NRP2: variants seen among roughly 807,000 people sequenced by gnomAD.
NRP2 encodes the protein neuropilin 2.
Under a neutral mutation model 110.4 loss-of-function variants are expected in NRP2, and 52 were observed. That is an observed-to-expected ratio of 0.47 (90% CI 0.38 to 0.59). The LOEUF is 0.59. Ranked by LOEUF, NRP2 falls within the 20% of genes least tolerant of loss-of-function variation. The pLI is 0.00. For synonymous variants in NRP2, 508 were observed against 468.9 expected (o/e 1.08, Z -1.08); for missense variants, 1,049 against 1,203.0 (o/e 0.87, Z 1.89).
At position 205,682,661 on chromosome 2, in the gene NRP2, C is replaced by G. The variant is rs935807832; in HGVS notation, c.-630C>G. On this transcript the variant is annotated 5_prime_UTR_variant, in exon 1 of 17. Transcript: ENST00000357785. This position sits in a 1 kb window ranked among gnomAD's most constrained non-coding sequence, Gnocchi z 4.3. ...GCCGCCACCGCCGCCGCACCAGCAG[C>G]AGCAACAGCAGCAGCAGCTTCCTTC... 1 of 166,930 alleles carries G rather than the reference C, an allele frequency of 6.0e-6. No individual in the cohort carries two copies. The highest frequency in any genetic ancestry group is 6.4e-5 in the Admixed American group (1 of 15,742). 10.3% of individuals were successfully genotyped at this position (166,930 alleles called of 1,614,324 possible).
At chr2:205,788,768 T>G (rs1212064350) in intron 15 of NRP2, among the ~76,000 whole-genome samples, 7 of 152,194 alleles carry the variant, frequency 4.6e-5, no homozygotes, top group Non-Finnish European at 1.0e-4. Context: ...TTCATGCTAA[T>G]TTGGCATGGG....
intron 12 of NRP2, among the ~76,000 whole-genome samples, chr2:205,762,837 G>C (rs1212114554): frequency 6.6e-6 from 1 of 152,196 alleles, no homozygotes; most frequent in East Asian, 1.9e-4. Flanking sequence ...TCTTCCACAT[G>C]AGTGTCTGAT....
At chr2:205,752,293 G>A (rs189763702) in intron 11 of NRP2, among the ~76,000 whole-genome samples, 4 of 152,274 alleles carry the variant, frequency 2.6e-5, no homozygotes, top group Admixed American at 6.5e-5. Flanking sequence ...AAATAGAGAC[G>A]GATCACAAAG....
intron 2 of NRP2, 58 bp from the exon 3 acceptor site, chr2:205,716,135 A>G: frequency 2.6e-6 from 4 of 1,554,928 alleles, no homozygotes; most frequent in Non-Finnish European, 2.7e-6. Context: ...GGAGCGACAC[A>G]GTGGTCCTTC....
chr2:205,683,025 T>C lies in NRP2; in HGVS notation c.-266T>C, dbSNP rs2056049586. On this transcript the variant is annotated 5_prime_UTR_variant, in exon 1 of 17. An upstream start codon of the reference 5' UTR is lost. Transcript: ENST00000357785. ...TTTGAGGAACTGGAGAGAACATATATGCGTTTTGTTTTTAAGAGGAAAACC... is the reference window on the plus strand; with the variant it reads ...TTTGAGGAACTGGAGAGAACATATACGCGTTTTGTTTTTAAGAGGAAAACC... 2.0e-6 allele frequency: 1 copy of C among 494,968 alleles called. No homozygotes were observed. The allele number at this position is 494,968 out of a possible 1,614,324, so 30.7% of individuals were successfully genotyped here. A position where few individuals can be genotyped will look rare whatever the true frequency, so the allele number is the denominator to read the frequency against.
chr2:205,690,097 G>A (rs1421073939), intron 1 of NRP2, among the ~76,000 whole-genome samples: 1 of 152,156 alleles, frequency 6.6e-6, no homozygotes, highest in Non-Finnish European at 1.5e-5. Flanking sequence ...GCGATAACCA[G>A]TAACCAGTTC....
At chr2:205,734,537 T>G (rs889495558) in intron 7 of NRP2, among the ~76,000 whole-genome samples, 16 of 152,028 alleles carry the variant, frequency 1.1e-4, no homozygotes, top group Admixed American at 9.2e-4. Flanking sequence ...TCAGAGCAGA[T>G]GCAAGGGAAG....
intron 9 of NRP2, 52 bp downstream of exon 9, chr2:205,743,604 G>C (rs766615666): frequency 6.2e-7 from 1 of 1,600,728 alleles, no homozygotes; most frequent in African/African-American, 1.3e-5. Context: ...GGGAGGCTAA[G>C]TGTGGTACAG....
chr2:205,710,998 A>C (rs1295379708), intron 2 of NRP2, among the ~76,000 whole-genome samples: 1 of 152,224 alleles, frequency 6.6e-6, no homozygotes, highest in Non-Finnish European at 1.5e-5. Context: ...TCTTCCACTC[A>C]AAATGTTATA....
rs1293877092 is a variant in NRP2, at chr2:205,752,983, A to G, written c.2044+8A>G. 6.2e-7 allele frequency: 1 copy of G among 1,612,958 alleles called. No homozygotes were observed. The highest frequency in any genetic ancestry group is 8.5e-7 in the Non-Finnish European group (1 of 1,179,956). ...ACGACCGGACGTTTCCAGGTAAGCC[A>G]GCTGTGAGTGAAGATATGAAAGAGT... On this transcript the variant is annotated splice_region_variant and intron_variant, in intron 12 of 16. Transcript: ENST00000357785.
intron 4 of NRP2, 97 bp from the exon 5 acceptor site, chr2:205,723,688 C>A: frequency 8.3e-7 from 1 of 1,205,420 alleles, no homozygotes; most frequent in Non-Finnish European, 1.2e-6. Flanking sequence ...AAAGTGTGCT[C>A]CACTGAATGA....
chr2:205,727,703 T>C lies in NRP2; in HGVS notation c.991-188T>C, dbSNP rs114065612. 5.5e-3 allele frequency among the ~76,000 whole-genome samples: 834 copies of C among 152,298 alleles called. 4 individuals carry two copies. Among genetic ancestry groups the C allele is most frequent in the Non-Finnish European group, 8.9e-3 (607 of 68,028 alleles). On this transcript the variant is annotated intron_variant, in intron 6 of 16. Coordinates refer to ENST00000357785, the MANE Select transcript of NRP2 (RefSeq NM_003872.3). ...TAACCTAACTTTTCAAGGTGTCTGA[T>C]TTAGTGTAAGATAATGTGAGTTTAA...
chr2:205,777,138 C>A (rs909983177), intron 15 of NRP2: 2 of 986,722 alleles, frequency 2.0e-6, no homozygotes, highest in Non-Finnish European at 2.4e-6. Flanking sequence ...GAGATTGAAG[C>A]TTTTTGTTGC....
intron 16 of NRP2, 115 bp from the exon 17 acceptor site, chr2:205,794,639 A>T: frequency 2.7e-6 from 3 of 1,097,642 alleles, no homozygotes; most frequent in Non-Finnish European, 4.2e-6. Context: ...GTCTAATTCC[A>T]GAGCTGCTGC....
intron 1 of NRP2, among the ~76,000 whole-genome samples, chr2:205,688,404 A>T (rs1434511327): frequency 6.6e-6 from 1 of 152,178 alleles, no homozygotes; most frequent in African/African-American, 2.4e-5. Context: ...CATTTCTGGA[A>T]GATGCTGCAG....
chr2:205,706,475 G>C (rs2056680394), intron 2 of NRP2, among the ~76,000 whole-genome samples: 1 of 152,124 alleles, frequency 6.6e-6, no homozygotes, highest in African/African-American at 2.4e-5. Context: ...GATTTTCTTT[G>C]TCTCAAAGTA....
At chr2:205,774,537 A>C (rs2058070096) in intron 15 of NRP2, among the ~76,000 whole-genome samples, 2 of 152,166 alleles carry the variant, frequency 1.3e-5, no homozygotes, top group Admixed American at 1.3e-4. Flanking sequence ...ATGTTGTGGG[A>C]CTTCTGGTCA....
chr2:205,697,682 A>C lies in NRP2; in HGVS notation c.212A>C (p.Asn71Thr). ...GAACCCAACCAGAAGATTGTCCTCAACTTCAACCCTCACTTTGAAATCGAG... is the reference window on the plus strand; with the variant it reads ...GAACCCAACCAGAAGATTGTCCTCACCTTCAACCCTCACTTTGAAATCGAG... ...APEPNQKIVL[N>T]FNPHFEIEKH... The change falls in exon 2 of 17, where the codon AAC becomes ACC. Residue 71 changes from asparagine (N) to threonine (T), a missense_variant. Physicochemically the swap from Asn to Thr is moderately conservative, Grantham distance 65 (BLOSUM62 0). Transcript: ENST00000357785. 1.2e-6 allele frequency: 2 copies of C among 1,613,942 alleles called. No individual in the cohort carries two copies. Among genetic ancestry groups the C allele is most frequent in the Non-Finnish European group, 1.7e-6 (2 of 1,180,004 alleles).
intron 8 of NRP2, among the ~76,000 whole-genome samples, chr2:205,740,994 T>TA (rs5837992): frequency 0.13 from 19,925 of 152,150 alleles, 1,605 homozygotes; most frequent in East Asian, 0.4. Flanking sequence ...AACCAAGACT[T>TA]AAAGAGCTAG....
Sources: allele counts gnomAD v4.1 joint callset (sites outside exome capture counted in the v4.1 genomes callset), GRCh38; gene constraint gnomAD v4.1.1; non-coding constraint Gnocchi (gnomAD v3.1); transcripts MANE v1.5; gene names NCBI Gene and HGNC (gene_info 2026-07-23, HGNC 2026-07-21).